Variants in ZNF644 observed in about 807,000 individuals in gnomAD.
ZNF644 encodes the protein zinc finger motif enhancer binding protein 2.
Under a neutral mutation model 108.0 loss-of-function variants are expected in ZNF644, and 20 were observed. That is an observed-to-expected ratio of 0.19 (90% CI 0.13 to 0.27). The LOEUF is 0.27. ZNF644 is among the 10% of genes least tolerant of loss of function. The pLI, the probability that ZNF644 is intolerant of heterozygous loss-of-function variation, is 1.00. For missense variants in ZNF644, 1,338 were observed against 1,548.9 expected, an observed-to-expected ratio of 0.86 and a Z score of 2.29; for synonymous variants, 542 against 539.1, an observed-to-expected ratio of 1.01 and a Z score of -0.08.
chr1:91,001,526 G>T (rs1557651765), intron 1 of ZNF644, among the ~76,000 whole-genome samples: 1 of 152,070 alleles, frequency 6.6e-6, no homozygotes, highest in Non-Finnish European at 1.5e-5. Flanking sequence ...GGTATTGATG[G>T]GACGTATCTC....
At chr1:91,015,778 T>C (rs1041830084) in intron 1 of ZNF644, among the ~76,000 whole-genome samples, 4 of 152,142 alleles carry the variant, frequency 2.6e-5, no homozygotes, top group Non-Finnish European at 4.4e-5. Flanking sequence ...AATGGGACAT[T>C]AGCAAAAGTA....
chr1:90,941,515 GCAACAA>G (rs549447151), intron 2 of ZNF644, among the ~76,000 whole-genome samples: 1 of 151,970 alleles, frequency 6.6e-6, no homozygotes, highest in South Asian at 2.1e-4. Flanking sequence ...TTCATGCTAG[GCAACAA>G]CAACAGTCCA....
intron 2 of ZNF644, among the ~76,000 whole-genome samples, chr1:90,952,989 T>G (rs557108168): frequency 1.2e-3 from 108 of 88,698 alleles, no homozygotes; most frequent in African/African-American, 4.3e-3. Context: ...AGAATACCTA[T>G]AAAGAGACAA....
chr1:90,947,964 T>C (rs1273990948), intron 2 of ZNF644, among the ~76,000 whole-genome samples: 1 of 152,156 alleles, frequency 6.6e-6, no homozygotes, highest in Non-Finnish European at 1.5e-5. Flanking sequence ...AATTGAATCA[T>C]TGTCATTGTA....
At chr1:90,988,497 A>G (rs509032) in intron 1 of ZNF644, among the ~76,000 whole-genome samples, 80 of 152,302 alleles carry the variant, frequency 5.3e-4, no homozygotes, top group Middle Eastern at 3.4e-3. Context: ...AATCCCTGTC[A>G]AAGTCCCAAT....
Position 90,940,178 on chromosome 1 carries a change from T to C in ZNF644, c.1176A>G (p.Glu392=), listed in dbSNP as rs903126420. The change falls in exon 3 of 6, where the codon GAA becomes GAG. Residue 392 remains glutamate, a synonymous_variant. Coordinates refer to ENST00000337393, the MANE Select transcript of ZNF644 (RefSeq NM_201269.3). ...FLSNTLKKKC[E]ESDSESPATF... The stretch of plus-strand genomic sequence containing the variant: ...TAGCAGGTGACTCAGAATCACTCTC[T>C]TCACATTTCTTTTTTAAGGTATTTG... The C allele has an allele frequency of 6.2e-7, 1 of 1,613,936 alleles. No homozygotes were observed. The highest frequency in any genetic ancestry group is 8.5e-7 in the Non-Finnish European group (1 of 1,179,960).
At chr1:90,955,051 G>A (rs1653610300) in intron 2 of ZNF644, among the ~76,000 whole-genome samples, 1 of 152,160 alleles carries the variant, frequency 6.6e-6, no homozygotes, top group African/African-American at 2.4e-5. Flanking sequence ...TGCTGTGTTG[G>A]CAGGTATGAA....
chr1:90,944,288 G>A lies in ZNF644; in HGVS notation c.45-2979C>T, dbSNP rs189928727. On this transcript the variant is annotated intron_variant, in intron 2 of 5. Coordinates refer to ENST00000337393, the MANE Select transcript of ZNF644 (RefSeq NM_201269.3). ...GCTTGGAGACTGCATCCTCATTACC[G>A]GAATGGCTTTATAAGAGCTTTTCAT... Among the ~76,000 whole-genome samples the A allele has an allele frequency of 6.4e-3, 977 of 152,138 alleles. 9 individuals carry two copies. The highest frequency in any genetic ancestry group is 0.014 in the Middle Eastern group (4 of 294).
chr1:91,013,356 A>G (rs165169), intron 1 of ZNF644, among the ~76,000 whole-genome samples: 20,187 of 152,036 alleles, frequency 0.13, 1,399 homozygotes, highest in South Asian at 0.16. Flanking sequence ...GACTACAGGC[A>G]TGAGCCAATG....
chr1:90,930,839 T>C (rs190466830), intron 4 of ZNF644, among the ~76,000 whole-genome samples: 206 of 152,310 alleles, frequency 1.4e-3, no homozygotes, highest in Non-Finnish European at 2.6e-3. Context: ...TAGAAAAGCA[T>C]TGTGGCATTC....
chr1:90,932,382 T>C lies in ZNF644; in HGVS notation c.3688+5103A>G, dbSNP rs115916122. On this transcript the variant is annotated intron_variant, in intron 4 of 5. Transcript: ENST00000337393. Reference sequence around the variant, plus strand: ...CTGCTTAAACTAGAAATACACATACTGGACATGGTTAGGGAGGCTTTATTC... The same window carrying C: ...CTGCTTAAACTAGAAATACACATACCGGACATGGTTAGGGAGGCTTTATTC... Among the ~76,000 whole-genome samples the C allele has an allele frequency of 4.4e-3, 670 of 152,306 alleles. 3 individuals are homozygous for C. Among genetic ancestry groups the C allele is most frequent in the African/African-American group, 0.014 (576 of 41,564 alleles).
chr1:90,926,780 A>T (rs1650085668), intron 4 of ZNF644, among the ~76,000 whole-genome samples: 1 of 152,064 alleles, frequency 6.6e-6, no homozygotes, highest in Non-Finnish European at 1.5e-5. Flanking sequence ...CCTCCTTTAC[A>T]TTCTTAATGT....
rs536348939 is a variant in ZNF644, at chr1:90,997,223, T to A, written c.-17-14853A>T. Among the ~76,000 whole-genome samples, 4 of 152,280 alleles carry A rather than the reference T, an allele frequency of 2.6e-5. No individual in the cohort carries two copies. In the East Asian group the frequency reaches 7.7e-4, roughly 29 times the overall value. On this transcript the variant is annotated intron_variant, in intron 1 of 5. Transcript: ENST00000337393. ...TCACCTCTGGCTAAACCTGAGGCTC[T>A]ACACAAGCAGGAAGTAAAAAGTAAG... is the stretch of plus-strand genomic sequence containing the variant.
Position 91,017,006 on chromosome 1 carries a change from T to C in ZNF644, c.-18+4984A>G, listed in dbSNP as rs1660491727. Among the ~76,000 whole-genome samples, 2 of 152,144 alleles carry C rather than the reference T, an allele frequency of 1.3e-5. 1 individual carries two copies. The highest frequency in any genetic ancestry group is 4.1e-4 in the South Asian group (2 of 4,824). On this transcript the variant is annotated intron_variant, in intron 1 of 5. Transcript: ENST00000337393. ...TGCCACCATGCCCAGCTAATTTTTG[T>C]ATTTTTGGTAGAGACAGGGTTTCAT...
In ZNF644 at chr1:90,939,785, C is replaced by T; in HGVS notation, c.1569G>A (p.Arg523=). Residue 523 remains arginine, a synonymous_variant, in exon 3 of 6, where the codon AGG becomes AGA. Coordinates refer to ENST00000337393, the MANE Select transcript of ZNF644 (RefSeq NM_201269.3). ...QHAKTHEKDK[R]YYCCEECNFM... ...AGTTACACTCTTCACAGCAGTAGTA[C>T]CTTTTATCTTTTTCATGGGTTTTAG... 5 of 1,613,866 alleles carry T rather than the reference C, an allele frequency of 3.1e-6. No individual in the cohort carries two copies. Among genetic ancestry groups the T allele is most frequent in the Non-Finnish European group, 4.2e-6 (5 of 1,179,932 alleles).
chr1:90,961,325 T>C (rs528675520), intron 2 of ZNF644, among the ~76,000 whole-genome samples: 1 of 152,294 alleles, frequency 6.6e-6, no homozygotes, highest in South Asian at 2.1e-4. Flanking sequence ...TTTACTTAAT[T>C]TATTAACAGT....
intron 2 of ZNF644, among the ~76,000 whole-genome samples, chr1:90,942,926 A>C (rs1652139494): frequency 6.6e-6 from 1 of 152,188 alleles, no homozygotes; most frequent in African/African-American, 2.4e-5. Flanking sequence ...GGTAAACAAG[A>C]CAAGTTAGGT....
At chr1:91,001,228 A>G (rs576869092) in intron 1 of ZNF644, among the ~76,000 whole-genome samples, 5 of 151,612 alleles carry the variant, frequency 3.3e-5, no homozygotes, top group African/African-American at 1.2e-4. Flanking sequence ...CAGAGACACA[A>G]CAAAAAAAGA....
chr1:90,936,343 A>T (rs575230653), intron 4 of ZNF644, among the ~76,000 whole-genome samples: 6 of 152,282 alleles, frequency 3.9e-5, no homozygotes, highest in African/African-American at 1.4e-4. Flanking sequence ...CAGCTAACAC[A>T]TCTTCCCTGC....
Sources: gnomAD v4.1 joint callset for allele counts (sites outside exome capture counted in the v4.1 genomes callset) on GRCh38, gnomAD v4.1.1 for gene constraint, MANE v1.5 for transcripts, NCBI Gene and HGNC (gene_info 2026-07-23, HGNC 2026-07-21) for gene names.